Variants in PPARGC1B observed in about 807,000 individuals in gnomAD.
PPARGC1B encodes the protein PPARG coactivator 1 beta, also known as peroxisome proliferator-activated receptor gamma coactivator 1-beta.
Under a neutral mutation model 101.6 loss-of-function variants are expected in PPARGC1B, and 34 were observed. That is an observed-to-expected ratio of 0.33 (90% CI 0.25 to 0.45). The LOEUF (loss-of-function observed/expected upper bound fraction) is 0.45. Among genes scored for constraint, PPARGC1B ranks in the 20% least tolerant of loss-of-function variants. PPARGC1B has a pLI of 1.00. For missense variants in PPARGC1B, 1,234 were observed against 1,317.6 expected, an observed-to-expected ratio of 0.94 and a Z score of 0.98; for synonymous variants, 548 against 539.3, an observed-to-expected ratio of 1.02 and a Z score of -0.22.
rs114903297 is a variant in PPARGC1B at position 149,835,411 on chromosome 5, C to T, written c.1807+46C>T. The T allele has an allele frequency of 5.2e-4, 804 of 1,545,240 alleles. 5 individuals carry two copies. The African/African-American group carries it at 5.3e-3, about 10-fold the overall frequency. ...TGGCAGGTGCCTTCAGGAAAACACC[C>T]GTGCATCTCTGAGTTTTTCATCATG... On this transcript the variant is annotated intron_variant, in intron 7 of 11. Coordinates refer to ENST00000309241, the MANE Select transcript of PPARGC1B (RefSeq NM_133263.4).
chr5:149,795,111 C>T (rs1053600963), intron 1 of PPARGC1B, among the ~76,000 whole-genome samples: 5 of 152,244 alleles, frequency 3.3e-5, no homozygotes, highest in Non-Finnish European at 5.9e-5. Context: ...CTCCCTTTCA[C>T]TCTGCTGTTC....
Position 149,832,511 on chromosome 5 carries a change from G to A in PPARGC1B, c.583-145G>A. 1.5e-6 allele frequency: 1 copy of A among 672,662 alleles called. No homozygotes were observed. The allele number at this position is 672,662 out of a possible 1,614,324, so 41.7% of individuals were successfully genotyped here. On this transcript the variant is annotated intron_variant, in intron 4 of 11. Transcript: ENST00000309241. This position sits in a 1 kb window ranked among gnomAD's most constrained non-coding sequence, Gnocchi z 4.9. ...CACAGCCAGGTGCCCGGCTCTGTGT[G>A]GGAAGCTGGGGACGGAATGAAGGAA...
chr5:149,797,483 ATAAGTAAT>A, intron 1 of PPARGC1B, among the ~76,000 whole-genome samples: 1 of 152,384 alleles, frequency 6.6e-6, no homozygotes, highest in South Asian at 2.1e-4. Flanking sequence ...TTTCCAAATT[ATAAGTAAT>A]TATTAGGCAT....
intron 1 of PPARGC1B, among the ~76,000 whole-genome samples, chr5:149,776,756 C>T (rs1756374673): frequency 6.6e-6 from 1 of 152,254 alleles, no homozygotes; most frequent in African/African-American, 2.4e-5. Context: ...CACATCCCCT[C>T]TCTGCCACTT....
intron 1 of PPARGC1B, among the ~76,000 whole-genome samples, chr5:149,760,280 G>T (rs1755672087): frequency 6.6e-6 from 1 of 152,200 alleles, no homozygotes; most frequent in African/African-American, 2.4e-5. Context: ...AAGAATTGTT[G>T]TGGTGGGACT....
At chr5:149,755,652 T>C (rs1755494523) in intron 1 of PPARGC1B, among the ~76,000 whole-genome samples, 1 of 149,054 alleles carries the variant, frequency 6.7e-6, no homozygotes, top group Admixed American at 6.7e-5. Flanking sequence ...ATTATTGCTT[T>C]TTTTTTTTGA....
Position 149,835,392 on chromosome 5 carries a change from G to T in PPARGC1B, c.1807+27G>T, listed in dbSNP as rs368095339. On this transcript the variant is annotated intron_variant, in intron 7 of 11. Transcript: ENST00000309241. ...TGAGCCAGGGGGCTTCCACTGGCAG[G>T]TGCCTTCAGGAAAACACCCGTGCAT... The T allele has an allele frequency of 4.4e-6, 7 of 1,604,558 alleles. No individual in the cohort carries two copies. In the African/African-American group the frequency reaches 9.4e-5, roughly 21 times the overall value.
At chr5:149,844,094 T>A (rs1020070902) in intron 10 of PPARGC1B, among the ~76,000 whole-genome samples, 2 of 152,246 alleles carry the variant, frequency 1.3e-5, no homozygotes, top group Non-Finnish European at 2.9e-5. Context: ...TACTTAATAC[T>A]GCCAAACTGT....
chr5:149,845,981 A>G (rs1294176130), intron 11 of PPARGC1B, 67 bp downstream of exon 11: 2 of 1,597,514 alleles, frequency 1.3e-6, no homozygotes, highest in African/African-American at 2.7e-5. Flanking sequence ...CCTTCCTTGA[A>G]CAAAACCCAG....
intron 1 of PPARGC1B, among the ~76,000 whole-genome samples, chr5:149,811,650 CA>C (rs1291323303): frequency 1.3e-5 from 2 of 152,166 alleles, no homozygotes; most frequent in African/African-American, 4.8e-5. Flanking sequence ...GTTGGTTGGT[CA>C]AGTAGAGGCT....
At chr5:149,737,716 G>A (rs1257216663) in intron 1 of PPARGC1B, among the ~76,000 whole-genome samples, 6 of 152,210 alleles carry the variant, frequency 3.9e-5, no homozygotes, top group Non-Finnish European at 7.3e-5. Flanking sequence ...TGAAGAGGCC[G>A]GGCACAGTGG....
intron 1 of PPARGC1B, among the ~76,000 whole-genome samples, chr5:149,754,334 C>T (rs946588598): frequency 2.0e-5 from 3 of 152,104 alleles, no homozygotes; most frequent in African/African-American, 7.2e-5. Flanking sequence ...CTGGCAGCTC[C>T]GTTTGGAGGA....
intron 1 of PPARGC1B, among the ~76,000 whole-genome samples, chr5:149,794,335 A>G (rs1757128022): frequency 6.6e-6 from 1 of 152,210 alleles, no homozygotes; most frequent in Non-Finnish European, 1.5e-5. Flanking sequence ...GCCAAGACAA[A>G]TGTTAGACAG....
chr5:149,774,007 G>A (rs13190217), intron 1 of PPARGC1B, among the ~76,000 whole-genome samples: 84,836 of 152,150 alleles, frequency 0.56, 23,867 homozygotes, highest in East Asian at 0.66. Flanking sequence ...GGTGTCCAGT[G>A]GTGAGCCTCA....
intron 3 of PPARGC1B, 41 bp downstream of exon 3, chr5:149,826,926 G>C (rs892835374): frequency 4.7e-6 from 7 of 1,488,224 alleles, no homozygotes; most frequent in Non-Finnish European, 6.5e-6. Context: ...TTGCAGCCTG[G>C]GATTAGGTTT....
chr5:149,776,327 C>G (rs1756359300), intron 1 of PPARGC1B, among the ~76,000 whole-genome samples: 1 of 152,226 alleles, frequency 6.6e-6, no homozygotes, highest in South Asian at 2.1e-4. Flanking sequence ...TACAAAAATT[C>G]TGCCTTATGC....
intron 1 of PPARGC1B, among the ~76,000 whole-genome samples, chr5:149,733,092 C>G (rs1296383394): frequency 6.6e-6 from 1 of 152,214 alleles, no homozygotes; most frequent in African/African-American, 2.4e-5. Flanking sequence ...CCCAAACTTT[C>G]CCTGACCCTC....
chr5:149,801,023 G>A (rs1455641596), intron 1 of PPARGC1B, among the ~76,000 whole-genome samples: 1 of 152,186 alleles, frequency 6.6e-6, no homozygotes, highest in African/African-American at 2.4e-5. Flanking sequence ...GCGTGGATCA[G>A]GTAGTGTCAG....
Position 149,836,243 on chromosome 5 carries a change from T to G in PPARGC1B, c.1808-20T>G, listed in dbSNP as rs757944721. 7.4e-5 allele frequency: 113 copies of G among 1,526,040 alleles called. No individual in the cohort carries two copies. Among genetic ancestry groups the G allele is most frequent in the Non-Finnish European group, 9.8e-5 (111 of 1,135,888 alleles). 94.5% of individuals were successfully genotyped at this position (1,526,040 alleles called of 1,614,324 possible). Reference sequence around the variant, plus strand: ...GAAGTGATCTGTCTTTATCTTACCTTTCTCCTCTTCCTCGGGCAGGACTCA... The same window carrying G: ...GAAGTGATCTGTCTTTATCTTACCTGTCTCCTCTTCCTCGGGCAGGACTCA... On this transcript the variant is annotated intron_variant, in intron 7 of 11. Transcript: ENST00000309241.
Sources: gnomAD v4.1 joint callset for allele counts (sites outside exome capture counted in the v4.1 genomes callset) on GRCh38, gnomAD v4.1.1 for gene constraint, Gnocchi (gnomAD v3.1) non-coding constraint, MANE v1.5 for transcripts, NCBI Gene and HGNC (gene_info 2026-07-23, HGNC 2026-07-21) for gene names.